Variants in WNT8A observed in about 807,000 individuals in gnomAD.
The protein encoded by WNT8A is Wnt family member 8A, also known as protein Wnt-8a.
A neutral mutation model predicts 20.5 loss-of-function variants in WNT8A; 14 were observed. That is an observed-to-expected ratio of 0.68 (90% confidence interval 0.45 to 1.07). The LOEUF (loss-of-function observed/expected upper bound fraction) is 1.07, where lower values mean the gene tolerates loss of function less well. WNT8A is among the 50% of genes least tolerant of loss of function. The pLI, the probability that WNT8A is intolerant of heterozygous loss-of-function variation, is 0.00. For missense variants in WNT8A, 397 were observed against 462.9 expected (o/e 0.86, Z 1.31); for synonymous variants, 167 against 169.2 (o/e 0.99, Z 0.10).
chr5:138,084,625 G>C lies in WNT8A; in HGVS notation c.284G>C (p.Arg95Thr), dbSNP rs756432853. The C allele has an allele frequency of 3.1e-6, 5 of 1,608,522 alleles. No individual in the cohort carries two copies. The Admixed American group carries it at 6.7e-5, about 22-fold the overall frequency. Residue 95 changes from arginine to threonine, a missense_variant, in exon 2 of 5, where the codon AGG becomes ACG. Coordinates refer to ENST00000506684, the MANE Select transcript of WNT8A (RefSeq NM_001300939.2). The part of the protein sequence containing the change: ...ENALQLSTHN[R>T]LRSATRETSF... ...GCTCTTCAGCTCTCCACCCACAACA[G>C]GCTGAGAAGTGGTAAGTTTGTGTGG...
chr5:138,091,030 G>A lies in WNT8A; in HGVS notation c.1067G>A (p.Arg356His), dbSNP rs375752131. The change falls in exon 5 of 5, where the codon CGC (arginine) becomes CAC (histidine). Residue 356 changes from arginine (R) to histidine (H), a missense_variant. Physicochemically the swap from Arg to His is conservative, Grantham distance 29. Transcript: ENST00000506684. ...RHVVSKYYCA[R>H]SPGSAQSLGK... Reference sequence around the variant, plus strand: ...GTGGTGAGCAAGTATTACTGCGCACGCTCCCCAGGCAGTGCCCAGTCCCTG... The same window carrying A: ...GTGGTGAGCAAGTATTACTGCGCACACTCCCCAGGCAGTGCCCAGTCCCTG... 4.8e-5 allele frequency: 78 copies of A among 1,613,642 alleles called. No individual in the cohort carries two copies. The highest frequency in any genetic ancestry group is 4.7e-4 in the East Asian group (21 of 44,874).
chr5:138,085,029 G>A (rs148569357), intron 2 of WNT8A, among the ~76,000 whole-genome samples: 3,345 of 152,024 alleles, frequency 0.022, 66 homozygotes, highest in Non-Finnish European at 0.031. Context: ...TTCCGCCTCC[G>A]GAGTTCAAGT....
chr5:138,085,246 A>G lies in WNT8A; in HGVS notation c.295+610A>G, dbSNP rs551314610. On this transcript the variant is annotated intron_variant, in intron 2 of 4. Transcript: ENST00000506684. ...CACCGTGCCCAGCGGAAATTACTCT[A>G]TTTTTTAAATGCATGCCTATATTTG... 6.6e-5 allele frequency among the ~76,000 whole-genome samples: 10 copies of G among 152,264 alleles called. No homozygotes were observed. The East Asian group carries it at 1.9e-3, about 29-fold the overall frequency.
upstream of WNT8A, among the ~76,000 whole-genome samples, chr5:138,080,251 G>A (rs988431753): frequency 2.0e-5 from 3 of 151,084 alleles, no homozygotes; most frequent in Middle Eastern, 3.4e-3. Flanking sequence ...TTGAACCCAG[G>A]AGGCAGAGGT....
intron 2 of WNT8A, among the ~76,000 whole-genome samples, chr5:138,086,868 G>T (rs1231485285): frequency 2.1e-4 from 25 of 119,006 alleles, no homozygotes; most frequent in African/African-American, 7.7e-4. Context: ...AACCCCATAT[G>T]TACTAAAGAC....
intron 2 of WNT8A, among the ~76,000 whole-genome samples, chr5:138,085,728 C>A (rs1199780941): frequency 1.3e-5 from 2 of 151,736 alleles, no homozygotes; most frequent in East Asian, 3.9e-4. Flanking sequence ...GTAGCATGTG[C>A]CTGTAGTCCC....
chr5:138,083,914 A>T, upstream of WNT8A: 1 of 575,258 alleles, frequency 1.7e-6, no homozygotes, highest in South Asian at 3.6e-5. Context: ...CAGATCCCCC[A>T]CTGGGCCGGT....
At position 138,090,528 on chromosome 5, in the gene WNT8A, G is replaced by A. The variant is rs748359205; in HGVS notation, c.565G>A (p.Ala189Thr). The A allele has an allele frequency of 6.2e-7, 1 of 1,613,314 alleles. No homozygotes were observed. The highest frequency in any genetic ancestry group is 1.1e-5 in the South Asian group (1 of 90,874). Reference sequence around the variant, plus strand: ...TCTCTTTTGTGTTCTCTCTATGAAGGCAGTGAGAGCCACCATGAAAAGGAC... The same window carrying A: ...TCTCTTTTGTGTTCTCTCTATGAAGACAGTGAGAGCCACCATGAAAAGGAC... ...NLHNNRAGRL[A>T]VRATMKRTCK... Residue 189 changes from alanine (A) to threonine (T), a missense_variant and splice_region_variant, in exon 5 of 5, where the codon GCA (alanine) becomes ACA (threonine). By Grantham distance (58) the Ala-to-Thr change is moderately conservative (BLOSUM62 0). Transcript: ENST00000506684.
chr5:138,084,361 C>G (rs999105577), intron 1 of WNT8A, 78 bp downstream of exon 1: 28 of 1,575,606 alleles, frequency 1.8e-5, no homozygotes, highest in Non-Finnish European at 2.3e-5. Context: ...GGGGCGGGGA[C>G]AGTGCCAGAG....
chr5:138,091,766 C>G (rs1173994434), downstream of WNT8A, among the ~76,000 whole-genome samples: 1 of 54,348 alleles, frequency 1.8e-5, no homozygotes, highest in Admixed American at 2.0e-4. Flanking sequence ...CTCGAGACTA[C>G]AGTGAGGTGT....
chr5:138,091,878 A>AATAG (rs1286262847), downstream of WNT8A, among the ~76,000 whole-genome samples: 2 of 151,316 alleles, frequency 1.3e-5, no homozygotes, highest in Non-Finnish European at 3.0e-5. Flanking sequence ...TAAATAAATA[A>AATAG]TAAAGAGAAA....
the WNT8A span, among the ~76,000 whole-genome samples, chr5:138,078,632 C>T: frequency 2.1e-4 from 32 of 152,298 alleles, 1 homozygote; most frequent in Admixed American, 1.8e-3. Flanking sequence ...AAGCCTTAAA[C>T]TATAGGAGAC....
At chr5:138,077,790 T>C in the WNT8A span, among the ~76,000 whole-genome samples, 2 of 152,312 alleles carry the variant, frequency 1.3e-5, no homozygotes, top group African/African-American at 4.8e-5. Context: ...CTCAGTCTGA[T>C]GGGAGAAACA....
At chr5:138,084,445 A>T in intron 1 of WNT8A, 53 bp from the exon 2 acceptor site, 3 of 1,557,426 alleles carry the variant, frequency 1.9e-6, no homozygotes, top group Non-Finnish European at 1.7e-6. Flanking sequence ...TGCTCCCCCA[A>T]CCACAGATGA....
intron 3 of WNT8A, 71 bp from the exon 4 acceptor site, chr5:138,088,856 G>T (rs1018832693): frequency 1.3e-6 from 2 of 1,572,696 alleles, no homozygotes; most frequent in Non-Finnish European, 1.7e-6. Context: ...AGGGCTCTTG[G>T]GGGTGGTTTG....
At chr5:138,079,306 AT>A (rs1750444258), upstream of WNT8A, among the ~76,000 whole-genome samples, 1 of 147,344 alleles carries the variant, frequency 6.8e-6, no homozygotes, top group Non-Finnish European at 1.5e-5. Flanking sequence ...TTATATTATA[AT>A]TATTATTAAT....
At chr5:138,078,190 A>AG in the WNT8A span, among the ~76,000 whole-genome samples, 2 of 152,002 alleles carry the variant, frequency 1.3e-5, no homozygotes, top group Non-Finnish European at 2.9e-5. Flanking sequence ...AAGTATCCTC[A>AG]GGGGGTGAGA....
chr5:138,087,753 C>T, intron 2 of WNT8A, 53 bp from the exon 3 acceptor site: 1 of 1,566,704 alleles, frequency 6.4e-7, no homozygotes, highest in Non-Finnish European at 8.7e-7. Context: ...AAAGCCTCTG[C>T]TTTGGGTAAT....
chr5:138,084,239 CT>C lies in WNT8A; in HGVS notation c.117del (p.Phe39LeufsTer5). ...CATTCACCTCTGCCTCACTTTTTCT[CT>C]TTTTGGTAGGTCAGTGAACAATTTC... ...IPIHLCLTFSLFGRSVNNFLI... is the reference protein window; with the variant it reads ...IPIHLCLTFSXFGRSVNNFLI... On this transcript the variant is annotated frameshift_variant, in exon 1 of 5. Transcript: ENST00000506684. LOFTEE classifies it high-confidence loss of function. The C allele has an allele frequency of 6.2e-7, 1 of 1,614,164 alleles. No homozygotes were observed. Among genetic ancestry groups the C allele is most frequent in the African/African-American group, 1.3e-5 (1 of 75,028 alleles).
Sources: gnomAD v4.1 joint callset for allele counts (sites outside exome capture counted in the v4.1 genomes callset) on GRCh38, gnomAD v4.1.1 for gene constraint, MANE v1.5 for transcripts, NCBI Gene and HGNC (gene_info 2026-07-23, HGNC 2026-07-21) for gene names.